Variants in TMEM192 observed in about 807,000 individuals in gnomAD.
The protein encoded by TMEM192 is transmembrane protein 192.
TMEM192 carries 20 observed loss-of-function variants against 26.7 expected under a neutral mutation model. That is an observed-to-expected ratio of 0.75 (90% confidence interval 0.53 to 1.09). TMEM192 has a LOEUF of 1.09. Among genes scored for constraint, TMEM192 ranks in the 50% least tolerant of loss-of-function variants. The pLI is 0.00. For synonymous variants in TMEM192, 124 were observed against 121.0 expected, an observed-to-expected ratio of 1.02 and a Z score of -0.16; for missense variants, 304 against 322.6, an observed-to-expected ratio of 0.94 and a Z score of 0.44.
chr4:165,102,860 G>T, intron 2 of TMEM192, 90 bp downstream of exon 2: 49 of 1,113,406 alleles, frequency 4.4e-5, no homozygotes, highest in Middle Eastern at 3.0e-4. Flanking sequence ...TTTAAATGTT[G>T]ATAGATACAG....
At chr4:165,085,959 A>G (rs908250404) in intron 4 of TMEM192, among the ~76,000 whole-genome samples, 4 of 152,340 alleles carry the variant, frequency 2.6e-5, no homozygotes, top group Admixed American at 6.5e-5. Context: ...AAACACCTGC[A>G]TGAAGTGGAT....
chr4:165,100,748 G>A lies in TMEM192; in HGVS notation c.319C>T (p.His107Tyr), dbSNP rs752010708. 9 of 1,613,998 alleles carry A rather than the reference G, an allele frequency of 5.6e-6. No homozygotes were observed. Among genetic ancestry groups the A allele is most frequent in the Non-Finnish European group, 6.8e-6 (8 of 1,180,000 alleles). The change falls in exon 3 of 6, where the codon CAT (histidine) becomes TAT (tyrosine). Residue 107 changes from histidine to tyrosine, a missense_variant. Transcript: ENST00000306480. ...ILGKVILWILHLLLECYIQYH... is the reference protein window; with the variant it reads ...ILGKVILWILYLLLECYIQYH... ...TGGATGTAGCATTCAAGGAGTAAAT[G>A]GAGAATCCACAAAATAACTTTCCCA...
In TMEM192 at chr4:165,112,793, A is replaced by T; in HGVS notation, c.-20T>A. On this transcript the variant is annotated 5_prime_UTR_variant, in exon 1 of 6. Coordinates refer to ENST00000306480, the MANE Select transcript of TMEM192 (RefSeq NM_001100389.2). ...CGCCATTTCCCGACGCCGGAGGCCGAAGCCCTGGCCAGCCCGGCCTCTCCA... is the reference window on the plus strand; with the variant it reads ...CGCCATTTCCCGACGCCGGAGGCCGTAGCCCTGGCCAGCCCGGCCTCTCCA... 2 of 1,605,500 alleles carry T rather than the reference A, an allele frequency of 1.2e-6. No homozygotes were observed. The highest frequency in any genetic ancestry group is 1.7e-6 in the Non-Finnish European group (2 of 1,178,706).
intron 3 of TMEM192, among the ~76,000 whole-genome samples, chr4:165,097,636 G>C (rs1466714738): frequency 1.4e-5 from 2 of 141,282 alleles, no homozygotes; most frequent in African/African-American, 5.4e-5. Context: ...TTTTTATAGA[G>C]GGGGGTGTCA....
rs1735071198 is a variant in TMEM192, at chr4:165,102,954, A to G, written c.170T>C (p.Ile57Thr). Residue 57 changes from isoleucine to threonine, a missense_variant, in exon 2 of 6, where the codon ATT becomes ACT. Ile to Thr is a moderately conservative substitution (Grantham distance 89). Coordinates refer to ENST00000306480, the MANE Select transcript of TMEM192 (RefSeq NM_001100389.2). ...CCCTTCTTGCAGCCAACTTACATGAATAAACCACAGAAGATTCACTATGAT... is the reference window on the plus strand; with the variant it reads ...CCCTTCTTGCAGCCAACTTACATGAGTAAACCACAGAAGATTCACTATGAT... ...TVIIVNLLWF[I>T]HLVFVVLAFL... 1.9e-6 allele frequency: 3 copies of G among 1,610,930 alleles called. No individual in the cohort carries two copies. The East Asian group carries it at 6.7e-5, about 36-fold the overall frequency.
intron 3 of TMEM192, among the ~76,000 whole-genome samples, chr4:165,092,239 A>C (rs576388131): frequency 6.8e-6 from 1 of 146,694 alleles, no homozygotes; most frequent in East Asian, 2.0e-4. Flanking sequence ...ATCCTGCCTC[A>C]GCCTCCTGAG....
chr4:165,103,405 C>T (rs1735089671), intron 1 of TMEM192, among the ~76,000 whole-genome samples: 1 of 151,756 alleles, frequency 6.6e-6, no homozygotes, highest in South Asian at 2.1e-4. Context: ...AGTGCAGCGG[C>T]GCAATCTTGG....
chr4:165,093,085 T>G (rs541339607), intron 3 of TMEM192, among the ~76,000 whole-genome samples: 104 of 130,348 alleles, frequency 8.0e-4, no homozygotes, highest in Admixed American at 3.9e-3. Flanking sequence ...AGTTTTATGG[T>G]TTTTTTTTCT....
chr4:165,096,680 G>A (rs946840204), intron 3 of TMEM192, among the ~76,000 whole-genome samples: 1 of 150,734 alleles, frequency 6.6e-6, no homozygotes, highest in Non-Finnish European at 1.5e-5. Flanking sequence ...TAGAAATAAG[G>A]TAAGTACCTG....
chr4:165,091,093 G>A (rs1184461314), intron 3 of TMEM192, among the ~76,000 whole-genome samples: 3 of 151,528 alleles, frequency 2.0e-5, no homozygotes, highest in Non-Finnish European at 4.4e-5. Flanking sequence ...GTGAAACCCC[G>A]TCCCTACTAA....
At position 165,110,039 on chromosome 4, in the gene TMEM192, T is replaced by C. The variant is rs150856050; in HGVS notation, c.27+2708A>G. Among the ~76,000 whole-genome samples the C allele has an allele frequency of 1.8e-3, 269 of 152,330 alleles. 2 individuals are homozygous for C. Among genetic ancestry groups the C allele is most frequent in the African/African-American group, 5.9e-3 (246 of 41,566 alleles). Reference sequence around the variant, plus strand: ...GAGTTGGGGACTATAATATGGTTCTTCTCTATGTCACTCAGGAGTATTTAC... The same window carrying C: ...GAGTTGGGGACTATAATATGGTTCTCCTCTATGTCACTCAGGAGTATTTAC... On this transcript the variant is annotated intron_variant, in intron 1 of 5. Coordinates refer to ENST00000306480, the MANE Select transcript of TMEM192 (RefSeq NM_001100389.2).
At chr4:165,097,073 T>C (rs902994286) in intron 3 of TMEM192, among the ~76,000 whole-genome samples, 18 of 152,110 alleles carry the variant, frequency 1.2e-4, no homozygotes, top group Admixed American at 5.2e-4. Flanking sequence ...GAGCAATAAA[T>C]GCTTCCCCTT....
chr4:165,094,105 T>C (rs952365576), intron 3 of TMEM192, among the ~76,000 whole-genome samples: 1 of 152,126 alleles, frequency 6.6e-6, no homozygotes, highest in African/African-American at 2.4e-5. Flanking sequence ...TTCACCATGT[T>C]GGCCAGGCTG....
Position 165,100,880 on chromosome 4 carries a change from C to T in TMEM192, c.187G>A (p.Val63Ile). The T allele has an allele frequency of 6.2e-7, 1 of 1,606,928 alleles. No homozygotes were observed. The highest frequency in any genetic ancestry group is 8.5e-7 in the Non-Finnish European group (1 of 1,177,174). Reference protein sequence around the residue: ...LLWFIHLVFVVLAFLTGVLCS... With the variant: ...LLWFIHLVFVILAFLTGVLCS... ...AGCACACCTGTTAAAAATGCTAAAACAACAAACACGAGCTGGGGGAAAGGA... is the reference window on the plus strand; with the variant it reads ...AGCACACCTGTTAAAAATGCTAAAATAACAAACACGAGCTGGGGGAAAGGA... Residue 63 changes from valine to isoleucine, a missense_variant, in exon 3 of 6, where the codon GTT becomes ATT. Transcript: ENST00000306480.
At position 165,072,254 on chromosome 4, in the gene TMEM192, A is replaced by AAAAAGG. The variant is rs2111248583; in HGVS notation, c.*7403_*7404insCCTTTT. The AAAAAGG allele has an allele frequency of 6.6e-6, 1 of 151,314 alleles. No homozygotes were observed. Among genetic ancestry groups the AAAAAGG allele is most frequent in the East Asian group, 2.0e-4 (1 of 5,108 alleles). 9.4% of individuals were successfully genotyped at this position (151,314 alleles called of 1,614,324 possible). A position where few individuals can be genotyped will look rare whatever the true frequency, so the allele number is the denominator to read the frequency against. On this transcript the variant is annotated 3_prime_UTR_variant, in exon 6 of 6. Coordinates refer to ENST00000306480, the MANE Select transcript of TMEM192 (RefSeq NM_001100389.2). ...AAAAGAAAGAAAGAAAAAGAAAAAGAAAAACACTATTATAATAGGGCCAGG... is the reference window on the plus strand; with the variant it reads ...AAAAGAAAGAAAGAAAAAGAAAAAGAAAAAGGAAAACACTATTATAATAGGGCCAGG...
intron 1 of TMEM192, among the ~76,000 whole-genome samples, chr4:165,104,701 T>G (rs568796471): frequency 6.6e-6 from 1 of 152,232 alleles, no homozygotes; most frequent in East Asian, 1.9e-4. Flanking sequence ...CGGCTAATTT[T>G]TGTATTTTTA....
At chr4:165,102,318 A>C (rs1010970673) in intron 2 of TMEM192, among the ~76,000 whole-genome samples, 1 of 152,186 alleles carries the variant, frequency 6.6e-6, no homozygotes, top group Non-Finnish European at 1.5e-5. Context: ...CACATGGTTA[A>C]AAAATCAAGT....
At chr4:165,104,660 A>T (rs1018784831) in intron 1 of TMEM192, among the ~76,000 whole-genome samples, 18 of 152,194 alleles carry the variant, frequency 1.2e-4, no homozygotes, top group African/African-American at 4.1e-4. Context: ...CCTCCTGAGT[A>T]GCTAGGATTA....
chr4:165,095,126 A>T (rs941193892), intron 3 of TMEM192, among the ~76,000 whole-genome samples: 1 of 152,126 alleles, frequency 6.6e-6, no homozygotes, highest in Non-Finnish European at 1.5e-5. Flanking sequence ...GCCTCCTAGA[A>T]ACGAAACCCA....
Sources: allele counts gnomAD v4.1 joint callset (sites outside exome capture counted in the v4.1 genomes callset), GRCh38; gene constraint gnomAD v4.1.1; transcripts MANE v1.5; gene names NCBI Gene and HGNC (gene_info 2026-07-23, HGNC 2026-07-21).